EHMT1: variants seen among roughly 807,000 people sequenced by gnomAD.
EHMT1 encodes euchromatic histone lysine methyltransferase 1.
A neutral mutation model predicts 147.2 loss-of-function variants in EHMT1; 15 were observed. The observed-to-expected ratio is 0.10, with a 90% CI of 0.07 to 0.16. EHMT1 has a LOEUF of 0.16. Among genes scored for constraint, EHMT1 ranks in the 10% least tolerant of loss-of-function variants. EHMT1 has a pLI of 1.00. For synonymous variants in EHMT1, 795 were observed against 709.6 expected (o/e 1.12, Z -1.91); for missense variants, 1,587 against 1,772.4 (o/e 0.90, Z 1.88).
chr9:137,736,578 C>G (rs557193104), intron 4 of EHMT1, among the ~76,000 whole-genome samples: 28 of 152,352 alleles, frequency 1.8e-4, no homozygotes, highest in African/African-American at 6.7e-4. Flanking sequence ...ACAAATAAGT[C>G]TCAATGTTGA....
intron 1 of EHMT1, among the ~76,000 whole-genome samples, chr9:137,629,529 G>A (rs552025029): frequency 6.6e-6 from 1 of 152,022 alleles, no homozygotes; most frequent in South Asian, 2.1e-4. Context: ...AAGTAGCTGG[G>A]ACTACAGGCG....
chr9:137,832,499 C>T (rs1397004833), intron 25 of EHMT1: 1 of 153,946 alleles, frequency 6.5e-6, no homozygotes, highest in East Asian at 1.9e-4. Flanking sequence ...TCGCTCCAGT[C>T]CTAGGATTGG....
chr9:137,749,673 C>T (rs1948822366), intron 6 of EHMT1, among the ~76,000 whole-genome samples: 1 of 152,156 alleles, frequency 6.6e-6, no homozygotes, highest in South Asian at 2.1e-4. Context: ...CCACTTGATT[C>T]CTTACAGCTG....
At chr9:137,769,841 CT>C (rs938732478) in intron 10 of EHMT1, among the ~76,000 whole-genome samples, 149 of 151,624 alleles carry the variant, frequency 9.8e-4, no homozygotes, top group African/African-American at 3.6e-3. Context: ...TTTCCTTTTC[CT>C]TTTCCATTTT....
intron 1 of EHMT1, among the ~76,000 whole-genome samples, chr9:137,645,801 C>T (rs558199921): frequency 2.0e-5 from 3 of 151,894 alleles, no homozygotes; most frequent in South Asian, 2.1e-4. Context: ...ATGGCCATAT[C>T]GAACTGAGAT....
chr9:137,690,546 A>C (rs1394302866), intron 1 of EHMT1, among the ~76,000 whole-genome samples: 1 of 151,558 alleles, frequency 6.6e-6, no homozygotes, highest in Non-Finnish European at 1.5e-5. Context: ...TAGATGTCGA[A>C]GAATATATCT....
Position 137,786,601 on chromosome 9 carries a change from G to C in EHMT1, c.2382+4204G>C, listed in dbSNP as rs1035075764. On this transcript the variant is annotated intron_variant, in intron 15 of 26. Coordinates refer to ENST00000460843, the MANE Select transcript of EHMT1 (RefSeq NM_024757.5). This position sits in a 1 kb window ranked among gnomAD's most constrained non-coding sequence, Gnocchi z 4.3. ...GGTCGTGTGGAGTCATCTCTCCCGGGCTCTGGTCTTGGTTGTGTGGAGTCA... is the reference window on the plus strand; with the variant it reads ...GGTCGTGTGGAGTCATCTCTCCCGGCCTCTGGTCTTGGTTGTGTGGAGTCA... 1.9e-5 allele frequency: 3 copies of C among 155,826 alleles called. No homozygotes were observed. Among genetic ancestry groups the C allele is most frequent in the Non-Finnish European group, 4.2e-5 (3 of 70,948 alleles). 9.7% of individuals were successfully genotyped at this position (155,826 alleles called of 1,614,324 possible). A position where few individuals can be genotyped will look rare whatever the true frequency, so the allele number is the denominator to read the frequency against.
intron 1 of EHMT1, among the ~76,000 whole-genome samples, chr9:137,635,675 T>TTAGCC (rs1564525833): frequency 1.3e-5 from 2 of 150,110 alleles, no homozygotes; most frequent in East Asian, 4.3e-4. Flanking sequence ...AAAAAATTAG[T>TTAGCC]GGGACGTGGT....
rs529970043 is a variant in EHMT1, at chr9:137,828,738, C to T, written c.3541-5611C>T. Among the ~76,000 whole-genome samples, 10 of 152,216 alleles carry T rather than the reference C, an allele frequency of 6.6e-5. No individual in the cohort carries two copies. The East Asian group carries it at 1.9e-3, about 29-fold the overall frequency. On this transcript the variant is annotated intron_variant, in intron 25 of 26. Coordinates refer to ENST00000460843, the MANE Select transcript of EHMT1 (RefSeq NM_024757.5). This position sits in a 1 kb window ranked among gnomAD's most constrained non-coding sequence, Gnocchi z 5.3. Reference sequence around the variant, plus strand: ...CATCTCTAAGGCCGGTGGTTCTGGACAGAAAAACCACAAAAATGAGAAGAC... The same window carrying T: ...CATCTCTAAGGCCGGTGGTTCTGGATAGAAAAACCACAAAAATGAGAAGAC...
At chr9:137,748,309 A>G (rs141587829) in intron 6 of EHMT1, among the ~76,000 whole-genome samples, 2 of 152,246 alleles carry the variant, frequency 1.3e-5, no homozygotes, top group Non-Finnish European at 2.9e-5. Flanking sequence ...AACGTTCTTT[A>G]TGGTTCTTGG....
chr9:137,619,260 G>A (rs1842798993), intron 1 of EHMT1, among the ~76,000 whole-genome samples: 1 of 143,704 alleles, frequency 7.0e-6, no homozygotes, highest in Non-Finnish European at 1.5e-5. Flanking sequence ...CGCCGGGCGC[G>A]CTTTGTGCGC....
At chr9:137,636,594 T>G (rs1009935553) in intron 1 of EHMT1, among the ~76,000 whole-genome samples, 1 of 152,182 alleles carries the variant, frequency 6.6e-6, no homozygotes, top group African/African-American at 2.4e-5. Context: ...GTTGAGTGTT[T>G]TCATTATAAA....
intron 18 of EHMT1, among the ~76,000 whole-genome samples, chr9:137,805,972 T>C (rs2137518369): frequency 6.7e-6 from 1 of 149,052 alleles, no homozygotes; most frequent in South Asian, 2.1e-4. Context: ...GGTTTTTTCT[T>C]TTTTTTTTTG....
chr9:137,670,354 C>G (rs193161295), intron 1 of EHMT1, among the ~76,000 whole-genome samples: 101 of 152,262 alleles, frequency 6.6e-4, no homozygotes, highest in African/African-American at 2.3e-3. Context: ...AGGTTTCTGT[C>G]GGTAGCCTTC....
At chr9:137,648,667 A>G (rs1845083948) in intron 1 of EHMT1, among the ~76,000 whole-genome samples, 1 of 152,176 alleles carries the variant, frequency 6.6e-6, no homozygotes, top group South Asian at 2.1e-4. Flanking sequence ...AACTCTGGAA[A>G]TACATTTGTT....
At chr9:137,817,290 CTG>C in intron 23 of EHMT1, 147 bp from the exon 24 acceptor site, 1 of 853,834 alleles carries the variant, frequency 1.2e-6, no homozygotes, top group Non-Finnish European at 1.9e-6. Context: ...GATGCCGTGT[CTG>C]TGAGGTGCCT....
At chr9:137,685,871 T>C (rs1013350597) in intron 1 of EHMT1, among the ~76,000 whole-genome samples, 10 of 152,252 alleles carry the variant, frequency 6.6e-5, no homozygotes, top group Non-Finnish European at 1.3e-4. Flanking sequence ...TGCATATCTT[T>C]GGAGAAATGT....
At chr9:137,712,022 C>T (rs572573514) in intron 2 of EHMT1, among the ~76,000 whole-genome samples, 2 of 152,336 alleles carry the variant, frequency 1.3e-5, no homozygotes, top group East Asian at 1.9e-4. Context: ...CTGTGGTGAC[C>T]GCTGCCCGCC....
chr9:137,630,114 G>A (rs1589040642), intron 1 of EHMT1, among the ~76,000 whole-genome samples: 1 of 152,260 alleles, frequency 6.6e-6, no homozygotes, highest in South Asian at 2.1e-4. Context: ...TTCTGGAAAA[G>A]CTTGTGGATT....
Sources: gnomAD v4.1 joint callset for allele counts (sites outside exome capture counted in the v4.1 genomes callset) on GRCh38, gnomAD v4.1.1 for gene constraint, Gnocchi (gnomAD v3.1) non-coding constraint, MANE v1.5 for transcripts, NCBI Gene and HGNC (gene_info 2026-07-23, HGNC 2026-07-21) for gene names.